XRN1: variants seen among roughly 807,000 people sequenced by gnomAD.
XRN1 encodes 5'-3' exoribonuclease 1.
Under a neutral mutation model 222.3 loss-of-function variants are expected in XRN1, and 67 were observed. The observed-to-expected ratio is 0.30, with a 90% CI of 0.25 to 0.37. XRN1 has a LOEUF of 0.37. Among genes scored for constraint, XRN1 ranks in the 10% least tolerant of loss-of-function variants. XRN1 has a pLI of 1.00. For synonymous variants in XRN1, 643 were observed against 652.4 expected, an observed-to-expected ratio of 0.99 and a Z score of 0.22; for missense variants, 1,707 against 2,000.2, an observed-to-expected ratio of 0.85 and a Z score of 2.80.
At chr3:142,421,195 A>G in intron 9 of XRN1, 42 bp from the exon 10 acceptor site, 1 of 1,475,856 alleles carries the variant, frequency 6.8e-7, no homozygotes, top group Non-Finnish European at 9.0e-7. Flanking sequence ...TAATTTAAGT[A>G]TATCTAGAAG....
At chr3:142,397,820 A>G (rs1402534988) in intron 19 of XRN1, among the ~76,000 whole-genome samples, 1 of 152,220 alleles carries the variant, frequency 6.6e-6, no homozygotes, top group Admixed American at 6.5e-5. Flanking sequence ...GCCAGAAGAG[A>G]TTGAAAATGT....
intron 36 of XRN1, among the ~76,000 whole-genome samples, chr3:142,330,676 C>T (rs1189420071): frequency 6.8e-6 from 1 of 147,696 alleles, no homozygotes; most frequent in African/African-American, 2.5e-5. Flanking sequence ...CTAATTTTGT[C>T]TTAAAATTAA....
At chr3:142,336,677 GAAGA>G (rs984293800) in intron 33 of XRN1, among the ~76,000 whole-genome samples, 1 of 151,840 alleles carries the variant, frequency 6.6e-6, no homozygotes, top group African/African-American at 2.4e-5. Context: ...GAGAGGAAGG[GAAGA>G]AAGTAATCTT....
intron 20 of XRN1, among the ~76,000 whole-genome samples, chr3:142,384,999 A>G (rs2107948885): frequency 6.6e-6 from 1 of 152,330 alleles, no homozygotes; most frequent in East Asian, 1.9e-4. Context: ...ATGACATGGA[A>G]AAACTGGAAC....
At chr3:142,381,649 CCT>C (rs1448281448) in intron 22 of XRN1, among the ~76,000 whole-genome samples, 47 of 149,856 alleles carry the variant, frequency 3.1e-4, no homozygotes, top group Admixed American at 3.1e-3. Flanking sequence ...TTCACCACAA[CCT>C]CTGTCTCCCA....
intron 29 of XRN1, among the ~76,000 whole-genome samples, chr3:142,361,963 C>CTTTTTTTTTTTTTTTTTTTTTTTT (rs71153961): frequency 7.7e-5 from 4 of 51,678 alleles, no homozygotes; most frequent in African/African-American, 3.6e-4. Context: ...CTTTTTCTCT[C>CTTTTTTTTTTTTTTTTTTTTTTTT]TTTTTTTTTT....
At chr3:142,324,178 GT>G (rs1267460880) in intron 37 of XRN1, among the ~76,000 whole-genome samples, 1 of 150,750 alleles carries the variant, frequency 6.6e-6, no homozygotes, top group African/African-American at 2.4e-5. Context: ...CATGTGCCAT[GT>G]TGGTGTGATG....
At position 142,351,119 on chromosome 3, in the gene XRN1, A is replaced by T. The variant is rs2066292386; in HGVS notation, c.3769-3777T>A. 2.0e-5 allele frequency among the ~76,000 whole-genome samples: 3 copies of T among 152,108 alleles called. 1 individual carries two copies. In the South Asian group the frequency reaches 6.2e-4, roughly 32 times the overall value. ...CTCTATCATCTATCTATCTGTCTAT[A>T]ATTATCTATCTATGTATCTATCTAT... On this transcript the variant is annotated intron_variant, in intron 32 of 40. Coordinates refer to ENST00000392981, the MANE Select transcript of XRN1 (RefSeq NM_001282857.2).
At position 142,307,157 on chromosome 3, in the gene XRN1, A is replaced by C. The variant is rs2064984410; in HGVS notation, c.*4354T>G. 1 of 152,136 alleles carries C rather than the reference A, an allele frequency of 6.6e-6. No homozygotes were observed. The highest frequency in any genetic ancestry group is 2.4e-5 in the African/African-American group (1 of 41,426). The allele number at this position is 152,136 out of a possible 1,614,324, so 9.4% of individuals were successfully genotyped here. A position where few individuals can be genotyped will look rare whatever the true frequency, so the allele number is the denominator to read the frequency against. On this transcript the variant is annotated 3_prime_UTR_variant, in exon 41 of 41. Coordinates refer to ENST00000392981, the MANE Select transcript of XRN1 (RefSeq NM_001282857.2). ...TCCAAAAAACGAAAACAACCTCCCC[A>C]TCCCCCACCAAACCCTTAACTGTAA...
chr3:142,375,997 C>CACACAG, intron 24 of XRN1, 53 bp from the exon 25 acceptor site: 1 of 1,516,934 alleles, frequency 6.6e-7, no homozygotes, highest in African/African-American at 1.4e-5. Flanking sequence ...CACACACACA[C>CACACAG]ACACGAGTTT....
chr3:142,329,589 C>A lies in XRN1; in HGVS notation c.4249G>T (p.Ala1417Ser). The A allele has an allele frequency of 6.4e-7, 1 of 1,551,584 alleles. No individual in the cohort carries two copies. The highest frequency in any genetic ancestry group is 8.6e-7 in the Non-Finnish European group (1 of 1,157,426). ...GACTGAACATTATGGTACTCATTAG[C>A]ACTGTGAGGCTTGTTCATATAAGAT... ...LASYMNKPHSANEYHNVQSMD... is the reference protein window; with the variant it reads ...LASYMNKPHSSNEYHNVQSMD... Residue 1417 changes from alanine (A) to serine (S), a missense_variant, in exon 37 of 41, where the codon GCT (alanine) becomes TCT (serine). Ala to Ser is a moderately conservative substitution (Grantham distance 99). This residue lies in a region of XRN1 where 473 missense variants were observed against 482.0 expected (regional missense o/e 0.98). Coordinates refer to ENST00000392981, the MANE Select transcript of XRN1 (RefSeq NM_001282857.2).
At chr3:142,371,200 T>C (rs763992488) in intron 26 of XRN1, 39 bp downstream of exon 26, 12 of 1,511,120 alleles carry the variant, frequency 7.9e-6, no homozygotes, top group African/African-American at 4.2e-5. Context: ...AAACACTGAA[T>C]TGAACTATGA....
chr3:142,397,548 T>C (rs1344208968), intron 19 of XRN1, 88 bp from the exon 20 acceptor site: 4 of 1,144,774 alleles, frequency 3.5e-6, no homozygotes, highest in East Asian at 2.9e-5. Context: ...ATGAAATATT[T>C]TTTTCACATG....
intron 37 of XRN1, among the ~76,000 whole-genome samples, chr3:142,321,600 G>T (rs552971163): frequency 3.9e-5 from 6 of 152,158 alleles, no homozygotes; most frequent in East Asian, 1.9e-4. Context: ...TCCAATCCAC[G>T]AACAGAGTGT....
At chr3:142,384,458 T>C in intron 21 of XRN1, 65 bp downstream of exon 21, 2 of 1,284,198 alleles carry the variant, frequency 1.6e-6, no homozygotes, top group South Asian at 3.3e-5. Flanking sequence ...TATCTTTTCA[T>C]TATACAGTGA....
chr3:142,433,515 G>T (rs1428152148), intron 1 of XRN1, among the ~76,000 whole-genome samples: 1 of 152,150 alleles, frequency 6.6e-6, no homozygotes, highest in Admixed American at 6.5e-5. Flanking sequence ...TTTATAAGAA[G>T]ACCTTAATGG....
At chr3:142,328,518 C>T (rs9871809) in intron 37 of XRN1, among the ~76,000 whole-genome samples, 149,608 of 151,016 alleles carry the variant, frequency 0.99, 74,108 homozygotes, top group East Asian at 1. Context: ...GAATTTTAAT[C>T]TTTTGAATTT....
intron 37 of XRN1, among the ~76,000 whole-genome samples, 174 bp from the exon 38 acceptor site, chr3:142,319,077 T>C (rs561604511): frequency 1.3e-5 from 2 of 152,324 alleles, no homozygotes; most frequent in Non-Finnish European, 2.9e-5. Context: ...TCTTTTTCAG[T>C]GTTTACAAAA....
chr3:142,431,977 ATATAT>A (rs2069613477), intron 2 of XRN1, among the ~76,000 whole-genome samples: 1 of 72,184 alleles, frequency 1.4e-5, no homozygotes, highest in Non-Finnish European at 2.6e-5. Flanking sequence ...AATATATTGT[ATATAT>A]TATATAATAT....
Sources: allele counts gnomAD v4.1 joint callset (sites outside exome capture counted in the v4.1 genomes callset), GRCh38; gene constraint gnomAD v4.1.1; regional missense constraint gnomAD v4.1.1; transcripts MANE v1.5; gene names NCBI Gene and HGNC (gene_info 2026-07-23, HGNC 2026-07-21).